Variants in P2RX7 observed in about 807,000 individuals in gnomAD.
The protein encoded by P2RX7 is P2X purinoceptor 7.
In P2RX7, 62 loss-of-function variants were observed where a neutral mutation model predicts 71.6. The ratio of observed to expected loss-of-function variants is 0.87; its 90% CI spans 0.71 to 1.07. P2RX7 has a LOEUF of 1.07. P2RX7 is among the 50% of genes least tolerant of loss of function. P2RX7 has a pLI of 0.00. For synonymous variants in P2RX7, 299 were observed against 283.3 expected, an observed-to-expected ratio of 1.06 and a Z score of -0.56; for missense variants, 686 against 748.5, an observed-to-expected ratio of 0.92 and a Z score of 0.97.
intron 8 of P2RX7, among the ~76,000 whole-genome samples, chr12:121,172,873 C>T (rs868001685): frequency 6.6e-6 from 1 of 152,166 alleles, no homozygotes; most frequent in Non-Finnish European, 1.5e-5. Context: ...TTTCTTCTCT[C>T]CCTACATCTT....
At position 121,187,692 on chromosome 12, in the gene P2RX7, C is replaced by A. The variant is rs759171563; in HGVS notation, c.*2890C>A. Reference sequence around the variant, plus strand: ...CTTCAACTGTGTGTAATATGTCAGACACGTCCTACAATAACAGGCGTCATA... The same window carrying A: ...CTTCAACTGTGTGTAATATGTCAGAAACGTCCTACAATAACAGGCGTCATA... On this transcript the variant is annotated 3_prime_UTR_variant, in exon 13 of 13. Transcript: ENST00000328963. The A allele has an allele frequency of 2.6e-5, 4 of 152,210 alleles. No individual in the cohort carries two copies. Among genetic ancestry groups the A allele is most frequent in the Non-Finnish European group, 2.9e-5 (2 of 68,048 alleles). The allele number at this position is 152,210 out of a possible 1,614,324, so 9.4% of individuals were successfully genotyped here. A position where few individuals can be genotyped will look rare whatever the true frequency, so the allele number is the denominator to read the frequency against.
intron 1 of P2RX7, among the ~76,000 whole-genome samples, chr12:121,143,316 C>T (rs1326949748): frequency 6.6e-6 from 1 of 151,962 alleles, no homozygotes; most frequent in African/African-American, 2.4e-5. Flanking sequence ...ATCACTTAAA[C>T]CTGGGAGGCA....
chr12:121,172,310 C>A (rs1882348198), intron 8 of P2RX7, among the ~76,000 whole-genome samples: 1 of 152,166 alleles, frequency 6.6e-6, no homozygotes, highest in South Asian at 2.1e-4. Context: ...CAGGCAGTGG[C>A]AATGCATGCT....
chr12:121,185,485 G>T lies in P2RX7; in HGVS notation c.*683G>T, dbSNP rs2136183359. ...ATGAATGCAAAACATTTCATTATGA[G>T]GTCAGACTAGGATAATGTCCAACTA... On this transcript the variant is annotated 3_prime_UTR_variant, in exon 13 of 13. Coordinates refer to ENST00000328963, the MANE Select transcript of P2RX7 (RefSeq NM_002562.6). The T allele has an allele frequency of 6.5e-6, 1 of 152,708 alleles. No homozygotes were observed. Among genetic ancestry groups the T allele is most frequent in the East Asian group, 1.9e-4 (1 of 5,184 alleles). The allele number at this position is 152,708 out of a possible 1,614,324, so 9.5% of individuals were successfully genotyped here. A position where few individuals can be genotyped will look rare whatever the true frequency, so the allele number is the denominator to read the frequency against.
At chr12:121,163,340 A>AC (rs1880173357) in intron 5 of P2RX7, among the ~76,000 whole-genome samples, 1 of 125,776 alleles carries the variant, frequency 8.0e-6, no homozygotes, top group African/African-American at 3.2e-5. Flanking sequence ...ACACACACAC[A>AC]CACACACACA....
intron 1 of P2RX7, among the ~76,000 whole-genome samples, chr12:121,140,288 G>A (rs1874582730): frequency 2.6e-5 from 4 of 152,212 alleles, no homozygotes; most frequent in South Asian, 4.1e-4. Context: ...GGGAGCAGCC[G>A]GAGCTGAGGG....
Position 121,154,810 on chromosome 12 carries a change from T to A in P2RX7, c.151T>A (p.Tyr51Asn). 1 of 1,613,938 alleles carries A rather than the reference T, an allele frequency of 6.2e-7. No individual in the cohort carries two copies. Among genetic ancestry groups the A allele is most frequent in the Non-Finnish European group, 8.5e-7 (1 of 1,179,762 alleles). Residue 51 changes from tyrosine to asparagine, a missense_variant, in exon 2 of 13, where the codon TAC (tyrosine) becomes AAC (asparagine). Physicochemically the swap from Tyr to Asn is moderately radical, Grantham distance 143. Transcript: ENST00000328963. This position sits in a 1 kb window ranked among gnomAD's most constrained non-coding sequence, Gnocchi z 4.2. The part of the protein sequence containing the change: ...VCFALVSDKL[Y>N]QRKEPVISSV... The stretch of plus-strand genomic sequence containing the variant: ...CTTTGCTCTGGTGAGTGACAAGCTG[T>A]ACCAGCGGAAAGAGCCTGTCATCAG...
chr12:121,133,240 G>A lies in P2RX7; in HGVS notation c.125+145G>A, dbSNP rs74972465. The A allele has an allele frequency of 5.2e-4, 472 of 904,008 alleles. 3 individuals carry two copies. The East Asian group carries it at 0.011, about 22-fold the overall frequency. 56.0% of individuals were successfully genotyped at this position (904,008 alleles called of 1,614,324 possible). A position where few individuals can be genotyped will look rare whatever the true frequency, so the allele number is the denominator to read the frequency against. On this transcript the variant is annotated intron_variant, in intron 1 of 12. Transcript: ENST00000328963. Reference sequence around the variant, plus strand: ...CTCACAGCCAGCTGGGCGGGAGGGAGGAAGCAGCAGCAGGCAAGAGGAAAC... The same window carrying A: ...CTCACAGCCAGCTGGGCGGGAGGGAAGAAGCAGCAGCAGGCAAGAGGAAAC...
At position 121,154,970 on chromosome 12, in the gene P2RX7, A is replaced by G. The variant is rs201164106; in HGVS notation, c.294+17A>G. On this transcript the variant is annotated intron_variant, in intron 2 of 12. Transcript: ENST00000328963. This position sits in a 1 kb window ranked among gnomAD's most constrained non-coding sequence, Gnocchi z 4.2. ...CCTTTGCAGGTGAGCACCTCGTAGC[A>G]TTCTCCCAGGCTCGTCGCTGGTCAC... The G allele has an allele frequency of 3.7e-6, 6 of 1,613,550 alleles. No homozygotes were observed. Among genetic ancestry groups the G allele is most frequent in the Non-Finnish European group, 3.4e-6 (4 of 1,179,704 alleles).
chr12:121,144,966 T>C (rs1450949169), intron 1 of P2RX7, among the ~76,000 whole-genome samples: 1 of 151,832 alleles, frequency 6.6e-6, no homozygotes, highest in East Asian at 1.9e-4. Context: ...ACTAAAGGCA[T>C]TGAGTTTGAG....
At position 121,149,053 on chromosome 12, in the gene P2RX7, C is replaced by A; in HGVS notation, c.126-5732C>A. 1 of 583,972 alleles carries A rather than the reference C, an allele frequency of 1.7e-6. No homozygotes were observed. Among genetic ancestry groups the A allele is most frequent in the South Asian group, 1.4e-5 (1 of 70,574 alleles). The allele number at this position is 583,972 out of a possible 1,614,324, so 36.2% of individuals were successfully genotyped here. On this transcript the variant is annotated intron_variant, in intron 1 of 12. Transcript: ENST00000328963. The surrounding 1 kb of genome is among the most constrained non-coding windows in gnomAD (Gnocchi z 4.7). ...TTTGCTGAAAGGGAGGTCCTCCCTG[C>A]AGAGCTTGAAGAGCAATCTAACCAT...
intron 1 of P2RX7, among the ~76,000 whole-genome samples, chr12:121,137,453 G>A (rs1421502957): frequency 6.6e-6 from 1 of 152,214 alleles, no homozygotes; most frequent in African/African-American, 2.4e-5. Flanking sequence ...CAATTTTGAT[G>A]AGCCATGATT....
chr12:121,156,494 G>T (rs1309608403), intron 3 of P2RX7, among the ~76,000 whole-genome samples: 1 of 152,214 alleles, frequency 6.6e-6, no homozygotes, highest in Non-Finnish European at 1.5e-5. Flanking sequence ...TTTACTTGAG[G>T]CTCACAATGA....
At chr12:121,142,445 T>C (rs908721863) in intron 1 of P2RX7, among the ~76,000 whole-genome samples, 17 of 152,258 alleles carry the variant, frequency 1.1e-4, no homozygotes, top group African/African-American at 3.9e-4. Flanking sequence ...TTCAAATCTC[T>C]GACTTCTCTC....
chr12:121,186,573 A>C lies in P2RX7; in HGVS notation c.*1771A>C, dbSNP rs1884913488. 1 of 152,344 alleles carries C rather than the reference A, an allele frequency of 6.6e-6. No individual in the cohort carries two copies. The highest frequency in any genetic ancestry group is 2.1e-4 in the South Asian group (1 of 4,830). 9.4% of individuals were successfully genotyped at this position (152,344 alleles called of 1,614,324 possible). A position where few individuals can be genotyped will look rare whatever the true frequency, so the allele number is the denominator to read the frequency against. ...CCCAATGCATTCCGATCCTCATCAC[A>C]ATTCTTTGACTGAAGGCCGGGCGTG... On this transcript the variant is annotated 3_prime_UTR_variant, in exon 13 of 13. Coordinates refer to ENST00000328963, the MANE Select transcript of P2RX7 (RefSeq NM_002562.6).
chr12:121,139,676 C>T (rs984502051), intron 1 of P2RX7, among the ~76,000 whole-genome samples: 7 of 151,874 alleles, frequency 4.6e-5, no homozygotes, highest in Middle Eastern at 3.4e-3. Context: ...AGGCCCCAGA[C>T]GCCAGGAGGA....
At chr12:121,143,373 G>A (rs1161008485) in intron 1 of P2RX7, among the ~76,000 whole-genome samples, 1 of 151,988 alleles carries the variant, frequency 6.6e-6, no homozygotes, top group Admixed American at 6.6e-5. Flanking sequence ...CAGCCTGGAC[G>A]ACAGAGCGAA....
At chr12:121,142,607 G>T (rs1875175105) in intron 1 of P2RX7, among the ~76,000 whole-genome samples, 1 of 152,144 alleles carries the variant, frequency 6.6e-6, no homozygotes, top group Non-Finnish European at 1.5e-5. Context: ...CTCCCAAAGT[G>T]CTGGGATTAC....
intron 2 of P2RX7, 78 bp downstream of exon 2, chr12:121,155,031 A>G: frequency 1.3e-6 from 2 of 1,579,632 alleles, no homozygotes; most frequent in Non-Finnish European, 1.7e-6. Context: ...CCTAGGATCT[A>G]CAGCCTCACT....
Sources: allele counts gnomAD v4.1 joint callset (sites outside exome capture counted in the v4.1 genomes callset), GRCh38; gene constraint gnomAD v4.1.1; non-coding constraint Gnocchi (gnomAD v3.1); transcripts MANE v1.5; gene names NCBI Gene and HGNC (gene_info 2026-07-23, HGNC 2026-07-21).